Variants in SKIC3 observed in about 807,000 individuals in gnomAD.
SKIC3 encodes superkiller complex protein 3.
chr5:95,491,123 A>G, the SKIC3 span: 4 of 1,529,860 alleles, frequency 2.6e-6, no homozygotes, highest in African/African-American at 1.4e-5. Context: ...AGAGTTTACA[A>G]GTTAAAAAAA....
the SKIC3 span, among the ~76,000 whole-genome samples, chr5:95,547,696 A>C: frequency 6.6e-6 from 1 of 152,086 alleles, no homozygotes. Context: ...GTTGATCAGG[A>C]CTCAAAACAC....
At chr5:95,479,198 C>T in the SKIC3 span, among the ~76,000 whole-genome samples, 2 of 152,058 alleles carry the variant, frequency 1.3e-5, no homozygotes, top group African/African-American at 4.8e-5. Context: ...ATGATTTAAA[C>T]ACACACACAC....
the SKIC3 span, chr5:95,528,225 C>T: frequency 6.3e-7 from 1 of 1,577,382 alleles, no homozygotes; most frequent in Non-Finnish European, 8.7e-7. Flanking sequence ...TTAAGGATGA[C>T]ATATAATAAA....
the SKIC3 span, among the ~76,000 whole-genome samples, chr5:95,518,849 C>T: frequency 1.9e-3 from 282 of 152,000 alleles, 2 homozygotes; most frequent in African/African-American, 5.6e-3. Context: ...CTGGATCATA[C>T]GGTAGTTCTA....
chr5:95,545,652 ACTGT>A, the SKIC3 span, among the ~76,000 whole-genome samples: 1 of 152,264 alleles, frequency 6.6e-6, no homozygotes, highest in African/African-American at 2.4e-5. Context: ...TCTTGCTCAC[ACTGT>A]CTGTCACCTA....
chr5:95,530,949 T>C, the SKIC3 span, among the ~76,000 whole-genome samples: 7 of 152,122 alleles, frequency 4.6e-5, no homozygotes, highest in Non-Finnish European at 1.0e-4. Context: ...ATTTCTGTTT[T>C]AGAATAAATT....
chr5:95,498,877 G>A, the SKIC3 span, among the ~76,000 whole-genome samples: 1 of 152,084 alleles, frequency 6.6e-6, no homozygotes, highest in Non-Finnish European at 1.5e-5. Flanking sequence ...CGCCCATCTC[G>A]GCCTCCCAAA....
chr5:95,527,444 ACT>A, the SKIC3 span, among the ~76,000 whole-genome samples: 1 of 152,214 alleles, frequency 6.6e-6, no homozygotes, highest in Admixed American at 6.5e-5. Flanking sequence ...TGATTTAAAA[ACT>A]CAATTTTAAT....
the SKIC3 span, chr5:95,502,973 G>C: frequency 6.2e-7 from 1 of 1,613,820 alleles, no homozygotes; most frequent in East Asian, 2.2e-5. Context: ...GTCTTGCTCC[G>C]ATTCAACAAT....
the SKIC3 span, among the ~76,000 whole-genome samples, chr5:95,481,097 C>A: frequency 6.6e-6 from 1 of 152,078 alleles, no homozygotes; most frequent in East Asian, 1.9e-4. Flanking sequence ...ACACTTTATT[C>A]CTTGTGAATT....
the SKIC3 span, among the ~76,000 whole-genome samples, chr5:95,511,808 T>C: frequency 6.6e-6 from 1 of 152,158 alleles, no homozygotes; most frequent in Non-Finnish European, 1.5e-5. Context: ...ATAAACACTT[T>C]CCTGTTGAGA....
At chr5:95,481,991 T>A in the SKIC3 span, among the ~76,000 whole-genome samples, 1 of 152,218 alleles carries the variant, frequency 6.6e-6, no homozygotes, top group Non-Finnish European at 1.5e-5. Flanking sequence ...CAGTGATCAT[T>A]GTGCATTTGT....
chr5:95,503,121 T>G, the SKIC3 span: 1 of 1,091,276 alleles, frequency 9.2e-7, no homozygotes, highest in South Asian at 1.4e-5. Flanking sequence ...TATCTTTGTA[T>G]TCTCCTGTTC....
chr5:95,531,895 A>C, the SKIC3 span, among the ~76,000 whole-genome samples: 1 of 152,184 alleles, frequency 6.6e-6, no homozygotes, highest in African/African-American at 2.4e-5. Flanking sequence ...GTAGGTGTTC[A>C]TTAAATCTTG....
chr5:95,541,569 G>A, the SKIC3 span, among the ~76,000 whole-genome samples: 1 of 151,472 alleles, frequency 6.6e-6, no homozygotes, highest in Non-Finnish European at 1.5e-5. Context: ...AAAAGAAAAG[G>A]TTTAAGAAAT....
chr5:95,502,136 T>C, the SKIC3 span, among the ~76,000 whole-genome samples: 39 of 152,240 alleles, frequency 2.6e-4, no homozygotes, highest in South Asian at 7.7e-3. Context: ...ATGGGGTAGT[T>C]ACAGAGGCAA....
the SKIC3 span, chr5:95,529,961 A>G: frequency 9.0e-7 from 1 of 1,106,806 alleles, no homozygotes; most frequent in Non-Finnish European, 1.3e-6. Context: ...GCAGAGTCCA[A>G]GGTATGCAGG....
chr5:95,506,918 G>A, the SKIC3 span: 31 of 1,612,004 alleles, frequency 1.9e-5, no homozygotes, highest in East Asian at 6.5e-4. Flanking sequence ...AATTAATGGA[G>A]AAAAAATACG....
the SKIC3 span, chr5:95,541,987 T>C: frequency 1.8e-5 from 15 of 840,908 alleles, no homozygotes; most frequent in East Asian, 2.4e-4. Context: ...CTAAATAATA[T>C]GATAATCTAT....
Sources: gnomAD v4.1 joint callset for allele counts (sites outside exome capture counted in the v4.1 genomes callset) on GRCh38, gnomAD v4.1.1 for gene constraint, MANE v1.5 for transcripts, NCBI Gene and HGNC (gene_info 2026-07-23, HGNC 2026-07-21) for gene names.